THNSL1: variants seen among roughly 807,000 people sequenced by gnomAD.
THNSL1 encodes the protein threonine synthase like 1.
In THNSL1, 48 loss-of-function variants were observed where a neutral mutation model predicts 50.4. That is an observed-to-expected ratio of 0.95 (90% confidence interval 0.76 to 1.21). The LOEUF (loss-of-function observed/expected upper bound fraction) is 1.21. Among genes scored for constraint, THNSL1 ranks in the 50% most tolerant of loss-of-function variants. THNSL1 has a pLI of 0.00. For synonymous variants in THNSL1, 309 were observed against 306.1 expected, an observed-to-expected ratio of 1.01 and a Z score of -0.10; for missense variants, 896 against 871.7, an observed-to-expected ratio of 1.03 and a Z score of -0.35.
the THNSL1 span, among the ~76,000 whole-genome samples, chr10:24,978,076 G>A: frequency 2.6e-5 from 4 of 152,194 alleles, no homozygotes; most frequent in East Asian, 1.9e-4. Flanking sequence ...CTATATCTGC[G>A]TGTGCAGTTT....
chr10:24,955,223 G>A, the THNSL1 span, among the ~76,000 whole-genome samples: 29 of 152,074 alleles, frequency 1.9e-4, no homozygotes, highest in Non-Finnish European at 2.9e-4. Flanking sequence ...TCACTATAAC[G>A]AGAACAATAT....
chr10:25,004,307 TG>T, the THNSL1 span, among the ~76,000 whole-genome samples: 1 of 152,210 alleles, frequency 6.6e-6, no homozygotes, highest in Non-Finnish European at 1.5e-5. Flanking sequence ...ATGGGATTGC[TG>T]GGTTGAATGG....
At position 25,023,842 on chromosome 10, in the gene THNSL1, G is replaced by C; in HGVS notation, c.619G>C (p.Ala207Pro). The C allele has an allele frequency of 6.2e-7, 1 of 1,614,208 alleles. No individual in the cohort carries two copies. The highest frequency in any genetic ancestry group is 8.5e-7 in the Non-Finnish European group (1 of 1,180,030). Residue 207 changes from alanine (A) to proline (P), a missense_variant, in exon 3 of 3, where the codon GCT becomes CCT. Transcript: ENST00000376356. The part of the protein sequence containing the change: ...YDARVFCESG[A>P]SPEEVADKVL... Reference sequence around the variant, plus strand: ...TGCTCGTGTTTTCTGTGAAAGTGGGGCTTCCCCAGAGGAGGTAGCTGACAA... The same window carrying C: ...TGCTCGTGTTTTCTGTGAAAGTGGGCCTTCCCCAGAGGAGGTAGCTGACAA...
rs1285713723 is a variant in THNSL1, at chr10:25,024,730, G to A, written c.1507G>A (p.Asp503Asn). 5.6e-6 allele frequency: 9 copies of A among 1,614,124 alleles called. No individual in the cohort carries two copies. The highest frequency in any genetic ancestry group is 7.6e-6 in the Non-Finnish European group (9 of 1,180,022). The change falls in exon 3 of 3, where the codon GAT (aspartate) becomes AAT (asparagine). Residue 503 changes from aspartate (D) to asparagine (N), a missense_variant. Transcript: ENST00000376356. ...QGFISFGSPVDVCIPTGNFGN... is the reference protein window; with the variant it reads ...QGFISFGSPVNVCIPTGNFGN... ...ATTTATTTCTTTTGGAAGCCCAGTC[G>A]ATGTCTGTATTCCCACAGGAAACTT...
chr10:24,960,836 C>T, the THNSL1 span, among the ~76,000 whole-genome samples: 448 of 152,160 alleles, frequency 2.9e-3, 2 homozygotes, highest in African/African-American at 0.011. Flanking sequence ...GCCATCCTCC[C>T]GCCTTGGCCT....
the THNSL1 span, among the ~76,000 whole-genome samples, chr10:25,002,536 T>C: frequency 1.1e-4 from 16 of 152,240 alleles, no homozygotes; most frequent in East Asian, 3.8e-4. Context: ...CTTTTATAGA[T>C]GACCACTCTA....
the THNSL1 span, among the ~76,000 whole-genome samples, chr10:25,008,548 T>C: frequency 6.6e-6 from 1 of 152,208 alleles, no homozygotes; most frequent in African/African-American, 2.4e-5. Flanking sequence ...CCAAGAAGGA[T>C]GGGAAGCTCC....
chr10:24,996,370 C>T, the THNSL1 span, among the ~76,000 whole-genome samples: 3 of 151,790 alleles, frequency 2.0e-5, no homozygotes, highest in South Asian at 2.1e-4. Context: ...TGCAGTGAAC[C>T]GAGATCATGC....
At chr10:25,003,177 AATTAATTT>A in the THNSL1 span, among the ~76,000 whole-genome samples, 1 of 145,064 alleles carries the variant, frequency 6.9e-6, no homozygotes, top group Non-Finnish European at 1.6e-5. Context: ...TTAATTAATT[AATTAATTT>A]ATTTATTTAT....
chr10:24,957,741 A>G, the THNSL1 span, among the ~76,000 whole-genome samples: 3 of 152,286 alleles, frequency 2.0e-5, no homozygotes, highest in South Asian at 6.2e-4. Flanking sequence ...TCGGCCTGCC[A>G]AAGTTCTGGG....
chr10:25,025,131 G>T lies in THNSL1; in HGVS notation c.1908G>T (p.Gly636=). 1 of 1,614,118 alleles carries T rather than the reference G, an allele frequency of 6.2e-7. No individual in the cohort carries two copies. Residue 636 remains glycine (G), a synonymous_variant, in exon 3 of 3, where the codon GGG becomes GGT. Transcript: ENST00000376356. The part of the protein sequence containing the change: ...AAINSTYNTS[G]YILDPHTAVA... ...TTAACTCCACCTATAATACTTCAGGGTATATTTTGGATCCACACACTGCTG... is the reference window on the plus strand; with the variant it reads ...TTAACTCCACCTATAATACTTCAGGTTATATTTTGGATCCACACACTGCTG...
At chr10:24,972,343 A>G in the THNSL1 span, among the ~76,000 whole-genome samples, 1 of 151,952 alleles carries the variant, frequency 6.6e-6, no homozygotes, top group Non-Finnish European at 1.5e-5. Context: ...CACCATCTCT[A>G]CTAAAAATAC....
At chr10:25,003,499 G>A in the THNSL1 span, among the ~76,000 whole-genome samples, 1 of 152,152 alleles carries the variant, frequency 6.6e-6, no homozygotes, top group Non-Finnish European at 1.5e-5. Context: ...GAGCCACTGC[G>A]CCAAGCCTGT....
rs752847680 is a variant in THNSL1, at chr10:25,025,193, C to T, written c.1970C>T (p.Thr657Ile). The change falls in exon 3 of 3, where the codon ACT becomes ATT. Residue 657 changes from threonine to isoleucine, a missense_variant. Thr to Ile is a moderately conservative substitution (Grantham distance 89). Transcript: ENST00000376356. ...KVVADRVQDK[T>I]CPVIISSTAH... ...GTTGCAGATAGGGTGCAAGACAAAACTTGCCCTGTGATTATCTCATCTACA... is the reference window on the plus strand; with the variant it reads ...GTTGCAGATAGGGTGCAAGACAAAATTTGCCCTGTGATTATCTCATCTACA... The T allele has an allele frequency of 1.1e-5, 17 of 1,614,092 alleles. No individual in the cohort carries two copies. Among genetic ancestry groups the T allele is most frequent in the Non-Finnish European group, 1.4e-5 (16 of 1,180,042 alleles).
At chr10:24,960,716 C>G in the THNSL1 span, among the ~76,000 whole-genome samples, 1 of 151,936 alleles carries the variant, frequency 6.6e-6, no homozygotes, top group Non-Finnish European at 1.5e-5. Context: ...CCTAATCCTC[C>G]CAAAGGATTA....
chr10:24,971,238 A>G, the THNSL1 span, among the ~76,000 whole-genome samples: 3 of 152,232 alleles, frequency 2.0e-5, no homozygotes. Context: ...AGATGGGACT[A>G]CAGGTGCAAG....
At chr10:24,958,194 A>AT in the THNSL1 span, among the ~76,000 whole-genome samples, 3 of 47,532 alleles carry the variant, frequency 6.3e-5, no homozygotes, top group African/African-American at 3.4e-4. Context: ...AAAGTAAATT[A>AT]AAAAAAAAAA....
the THNSL1 span, among the ~76,000 whole-genome samples, chr10:25,009,014 C>A: frequency 6.6e-6 from 1 of 152,102 alleles, no homozygotes; most frequent in Non-Finnish European, 1.5e-5. Flanking sequence ...GGACAAAAAA[C>A]CAAACACCGC....
At chr10:24,978,208 A>G in the THNSL1 span, among the ~76,000 whole-genome samples, 2 of 152,140 alleles carry the variant, frequency 1.3e-5, no homozygotes, top group Non-Finnish European at 2.9e-5. Context: ...CATCAAGCAC[A>G]TTATGTAGAA....
Sources: allele counts gnomAD v4.1 joint callset (sites outside exome capture counted in the v4.1 genomes callset), GRCh38; gene constraint gnomAD v4.1.1; transcripts MANE v1.5; gene names NCBI Gene and HGNC (gene_info 2026-07-23, HGNC 2026-07-21).